Variants in CCDC7 observed in about 807,000 individuals in gnomAD.
The protein encoded by CCDC7 is coiled-coil domain containing 7.
A neutral mutation model predicts 196.9 loss-of-function variants in CCDC7; 183 were observed. The observed-to-expected ratio is 0.93, with a 90% CI of 0.82 to 1.05. The LOEUF (loss-of-function observed/expected upper bound fraction) is 1.05, where lower values mean the gene tolerates loss of function less well. CCDC7 is among the 50% of genes least tolerant of loss of function. The pLI, the probability that CCDC7 is intolerant of heterozygous loss-of-function variation, is 0.00. For missense variants in CCDC7, 1,540 were observed against 1,482.2 expected (o/e 1.04, Z -0.64); for synonymous variants, 525 against 484.6 (o/e 1.08, Z -1.10).
intron 20 of CCDC7, among the ~76,000 whole-genome samples, chr10:32,646,577 T>G (rs577588438): frequency 2.0e-5 from 3 of 152,284 alleles, no homozygotes; most frequent in Non-Finnish European, 4.4e-5. Flanking sequence ...TATATTTTCA[T>G]TTTTTTATTT....
chr10:32,576,717 A>G (rs2058237445), intron 16 of CCDC7, among the ~76,000 whole-genome samples: 1 of 151,758 alleles, frequency 6.6e-6, no homozygotes, highest in South Asian at 2.1e-4. Context: ...TGCCCAGCCA[A>G]TTGTTTTATT....
intron 21 of CCDC7, among the ~76,000 whole-genome samples, chr10:32,679,344 C>G (rs986517278): frequency 3.9e-5 from 6 of 152,068 alleles, no homozygotes; most frequent in Non-Finnish European, 1.5e-5. Flanking sequence ...AACAGAAGAC[C>G]TCTTACTCAA....
At chr10:32,681,414 A>G (rs970106533) in intron 21 of CCDC7, among the ~76,000 whole-genome samples, 3 of 152,160 alleles carry the variant, frequency 2.0e-5, no homozygotes, top group Admixed American at 2.0e-4. Flanking sequence ...CAATACAGTC[A>G]TTGTTTGTCA....
chr10:32,769,665 T>C (rs1239502952), intron 28 of CCDC7, among the ~76,000 whole-genome samples: 1 of 151,276 alleles, frequency 6.6e-6, no homozygotes, highest in Non-Finnish European at 1.5e-5. Flanking sequence ...CAGTGTGTGA[T>C]GTTCCCCTCC....
At chr10:32,597,110 T>G (rs1350169840) in intron 18 of CCDC7, among the ~76,000 whole-genome samples, 1 of 152,228 alleles carries the variant, frequency 6.6e-6, no homozygotes, top group Non-Finnish European at 1.5e-5. Context: ...GATAGTATCC[T>G]GAAGAGTGTT....
At chr10:32,779,047 C>T (rs751274904) in exon 29 of CCDC7, 50 of 1,549,962 alleles carry the variant, frequency 3.2e-5, no homozygotes, top group Non-Finnish European at 3.9e-5. Flanking sequence ...CGTCAATTAG[C>T]GACCTAATAA....
chr10:32,836,781 A>G (rs2092637082), intron 33 of CCDC7, among the ~76,000 whole-genome samples: 2 of 151,772 alleles, frequency 1.3e-5, no homozygotes, highest in African/African-American at 4.8e-5. Context: ...TTGTCTGTTT[A>G]CTCTGTTAGA....
intron 24 of CCDC7, among the ~76,000 whole-genome samples, chr10:32,699,893 A>G (rs1048939012): frequency 6.7e-6 from 1 of 149,212 alleles, no homozygotes; most frequent in Non-Finnish European, 1.5e-5. Flanking sequence ...CCACTTGTTG[A>G]TAGGGTTGTT....
chr10:32,702,056 T>A (rs2078844437), intron 24 of CCDC7, among the ~76,000 whole-genome samples: 1 of 152,222 alleles, frequency 6.6e-6, no homozygotes, highest in South Asian at 2.1e-4. Flanking sequence ...TCTTGCCTTC[T>A]GCAAACTTTT....
intron 18 of CCDC7, among the ~76,000 whole-genome samples, chr10:32,608,475 C>A (rs982108970): frequency 1.3e-5 from 2 of 151,942 alleles, no homozygotes; most frequent in Admixed American, 6.6e-5. Context: ...TTGTTACATT[C>A]CATAGTTTTA....
chr10:32,622,599 T>G (rs2063533274), intron 18 of CCDC7, among the ~76,000 whole-genome samples: 1 of 152,050 alleles, frequency 6.6e-6, no homozygotes, highest in Non-Finnish European at 1.5e-5. Flanking sequence ...ACCTCTGCAC[T>G]GTTGACATTT....
intron 11 of CCDC7, among the ~76,000 whole-genome samples, chr10:32,537,354 T>C (rs1014206269): frequency 2.0e-5 from 3 of 152,200 alleles, no homozygotes; most frequent in African/African-American, 7.2e-5. Context: ...AGTCATTTTT[T>C]CCTTGTAAAT....
chr10:32,588,079 G>A (rs545537747), intron 18 of CCDC7, among the ~76,000 whole-genome samples: 17 of 152,218 alleles, frequency 1.1e-4, no homozygotes, highest in Admixed American at 2.6e-4. Context: ...GAGCTTCTTC[G>A]CCATGTGATG....
At chr10:32,453,223 G>A (rs1588683658) in intron 1 of CCDC7, 121 bp from the exon 3 acceptor site, 2 of 717,780 alleles carry the variant, frequency 2.8e-6, no homozygotes. Flanking sequence ...TTATGGCACT[G>A]GAAGAAATAA....
rs560922376 is a variant in CCDC7, at chr10:32,676,076, C to T, written c.2123-9894C>T. Among the ~76,000 whole-genome samples, 110 of 151,314 alleles carry T rather than the reference C, an allele frequency of 7.3e-4. No homozygotes were observed. The Middle Eastern group carries it at 0.014, about 19-fold the overall frequency. On this transcript the variant is annotated intron_variant, in intron 21 of 41. Transcript: ENST00000639629. ...AACAGAACAGAGCCCTCAGAAATAA[C>T]GCCACATATCTACAACTACCTGATC...
chr10:32,805,238 T>G, intron 30 of CCDC7, 140 bp downstream of exon 31: 1 of 623,352 alleles, frequency 1.6e-6, no homozygotes, highest in South Asian at 2.0e-5. Flanking sequence ...CCATATTTGG[T>G]TTTACTCTAG....
chr10:32,817,974 T>C (rs556758894), intron 31 of CCDC7, among the ~76,000 whole-genome samples: 6 of 152,214 alleles, frequency 3.9e-5, no homozygotes, highest in East Asian at 3.9e-4. Flanking sequence ...CATGATCAAA[T>C]CCACACATAA....
chr10:32,466,681 C>T (rs182629913), intron 5 of CCDC7, among the ~76,000 whole-genome samples: 1 of 152,316 alleles, frequency 6.6e-6, no homozygotes, highest in Admixed American at 6.5e-5. Context: ...CACTGATGGA[C>T]ATTTAGGCCA....
chr10:32,706,722 G>T (rs566525571), intron 24 of CCDC7, among the ~76,000 whole-genome samples: 1 of 152,168 alleles, frequency 6.6e-6, no homozygotes, highest in Non-Finnish European at 1.5e-5. Flanking sequence ...AAATCTAGAA[G>T]AAATGGATAA....
Sources: gnomAD v4.1 joint callset for allele counts (sites outside exome capture counted in the v4.1 genomes callset) on GRCh38, gnomAD v4.1.1 for gene constraint, MANE v1.5 for transcripts, NCBI Gene and HGNC (gene_info 2026-07-23, HGNC 2026-07-21) for gene names.